Variants in CDK14 observed in about 807,000 individuals in gnomAD.
The protein encoded by CDK14 is cyclin dependent kinase 14, also known as cyclin-dependent kinase 14.
A neutral mutation model predicts 60.7 loss-of-function variants in CDK14; 34 were observed. The ratio of observed to expected loss-of-function variants is 0.56; its 90% CI spans 0.43 to 0.75. The LOEUF (loss-of-function observed/expected upper bound fraction) is 0.75. Among genes scored for constraint, CDK14 ranks in the 30% least tolerant of loss-of-function variants. CDK14 has a pLI of 0.00. For synonymous variants in CDK14, 197 were observed against 203.7 expected (o/e 0.97, Z 0.28); for missense variants, 482 against 564.1 (o/e 0.85, Z 1.47).
intron 2 of CDK14, among the ~76,000 whole-genome samples, chr7:90,605,417 C>T (rs181301641): frequency 4.3e-4 from 65 of 152,330 alleles, no homozygotes; most frequent in Middle Eastern, 3.4e-3. Context: ...AAACTTAATT[C>T]TTCTAGGCTT....
intron 5 of CDK14, among the ~76,000 whole-genome samples, chr7:90,841,203 C>G (rs1050384146): frequency 6.6e-6 from 1 of 152,070 alleles, no homozygotes; most frequent in Admixed American, 6.6e-5. Context: ...TAGAACATTG[C>G]AACTATTCTA....
chr7:91,097,004 A>G (rs183175463), intron 12 of CDK14, among the ~76,000 whole-genome samples: 206 of 152,342 alleles, frequency 1.4e-3, no homozygotes, highest in Non-Finnish European at 2.6e-3. Flanking sequence ...TTTTCTTTTC[A>G]CAAAAGGGAA....
At chr7:91,010,301 A>G (rs1346277040) in intron 10 of CDK14, among the ~76,000 whole-genome samples, 1 of 152,120 alleles carries the variant, frequency 6.6e-6, no homozygotes, top group South Asian at 2.1e-4. Flanking sequence ...ACAAAAAAAA[A>G]GCCTGCTTGG....
At chr7:91,078,015 T>A (rs1798374110) in intron 11 of CDK14, among the ~76,000 whole-genome samples, 1 of 152,200 alleles carries the variant, frequency 6.6e-6, no homozygotes, top group Non-Finnish European at 1.5e-5. Flanking sequence ...CAACCAATGC[T>A]AGAAGACGTA....
At position 90,790,591 on chromosome 7, in the gene CDK14, A is replaced by G. The variant is rs369431402; in HGVS notation, c.483A>G (p.Val161=). ...CTCACAGGGTAAATGGGAAGTTGGT[A>G]GCTCTGAAGGTGATCAGGCTGCAGG... ...KGKSKVNGKL[V]ALKVIRLQEE... Residue 161 remains valine, a synonymous_variant, in exon 5 of 15, where the codon GTA becomes GTG. Coordinates refer to ENST00000380050, the MANE Select transcript of CDK14 (RefSeq NM_001287135.2). 160 of 1,612,200 alleles carry G rather than the reference A, an allele frequency of 9.9e-5. No individual in the cohort carries two copies. Among genetic ancestry groups the G allele is most frequent in the Non-Finnish European group, 1.3e-4 (156 of 1,178,750 alleles).
intron 5 of CDK14, among the ~76,000 whole-genome samples, chr7:90,837,457 AAAT>A (rs1790145678): frequency 6.6e-6 from 1 of 151,850 alleles, no homozygotes; most frequent in African/African-American, 2.4e-5. Flanking sequence ...CCGGCTAATT[AAAT>A]AATATTTCTA....
chr7:90,692,257 A>G (rs895554822), intron 2 of CDK14, among the ~76,000 whole-genome samples: 1 of 152,036 alleles, frequency 6.6e-6, no homozygotes, highest in African/African-American at 2.4e-5. Flanking sequence ...TGTGTGTTAT[A>G]TTGGTTTGGT....
chr7:90,668,965 T>G (rs1002082743), intron 2 of CDK14, among the ~76,000 whole-genome samples: 7 of 152,066 alleles, frequency 4.6e-5, no homozygotes, highest in African/African-American at 1.4e-4. Context: ...TGATCCCTGC[T>G]GCTTGGCCTC....
At chr7:91,000,839 A>G (rs1795816109) in intron 10 of CDK14, among the ~76,000 whole-genome samples, 1 of 152,242 alleles carries the variant, frequency 6.6e-6, no homozygotes, top group East Asian at 1.9e-4. Flanking sequence ...CAGGAGGTCA[A>G]CAGAGTAACT....
chr7:90,662,894 C>G (rs1024086875), intron 2 of CDK14, among the ~76,000 whole-genome samples: 1 of 152,186 alleles, frequency 6.6e-6, no homozygotes, highest in African/African-American at 2.4e-5. Flanking sequence ...CACTTTCTAG[C>G]TATGCAACCT....
intron 2 of CDK14, among the ~76,000 whole-genome samples, chr7:90,654,316 A>G (rs1357576926): frequency 1.3e-5 from 2 of 152,224 alleles, no homozygotes; most frequent in Non-Finnish European, 2.9e-5. Context: ...AGAGTGACAG[A>G]GAGAGAATCT....
At chr7:90,795,090 C>G (rs10237334) in intron 5 of CDK14, among the ~76,000 whole-genome samples, 66,168 of 151,956 alleles carry the variant, frequency 0.44, 15,199 homozygotes, top group East Asian at 0.82. Flanking sequence ...TATTTATGAG[C>G]CCAAACCCAA....
chr7:90,740,544 G>C (rs1803304819), intron 3 of CDK14, among the ~76,000 whole-genome samples: 1 of 152,122 alleles, frequency 6.6e-6, no homozygotes, highest in Non-Finnish European at 1.5e-5. Context: ...GAGGACACAA[G>C]AGAAGGTGGC....
intron 4 of CDK14, among the ~76,000 whole-genome samples, chr7:90,770,353 T>C (rs1804736588): frequency 6.6e-6 from 1 of 152,244 alleles, no homozygotes; most frequent in African/African-American, 2.4e-5. Flanking sequence ...CTTTTAAGTA[T>C]ATTAACGTTA....
intron 10 of CDK14, among the ~76,000 whole-genome samples, chr7:91,009,387 G>A (rs771321866): frequency 6.6e-6 from 1 of 152,226 alleles, no homozygotes; most frequent in African/African-American, 2.4e-5. Flanking sequence ...TTGGATTCCC[G>A]TAAGAGTGGA....
chr7:90,633,049 C>G (rs1389736493), intron 2 of CDK14, among the ~76,000 whole-genome samples: 1 of 149,666 alleles, frequency 6.7e-6, no homozygotes, highest in Non-Finnish European at 1.5e-5. Flanking sequence ...TAAGCCGAGA[C>G]TGTGCTACTA....
chr7:90,921,392 T>C (rs1468814321), intron 8 of CDK14, among the ~76,000 whole-genome samples: 1 of 152,186 alleles, frequency 6.6e-6, no homozygotes, highest in Non-Finnish European at 1.5e-5. Flanking sequence ...TCTTTCCCAT[T>C]ATTATCTTCT....
chr7:90,804,155 G>A (rs572871014), intron 5 of CDK14, among the ~76,000 whole-genome samples: 9 of 152,332 alleles, frequency 5.9e-5, no homozygotes, highest in East Asian at 5.8e-4. Flanking sequence ...CTCCATAAGC[G>A]AGGAGCTGGA....
intron 14 of CDK14, among the ~76,000 whole-genome samples, chr7:91,136,368 T>C (rs748630243): frequency 3.9e-5 from 6 of 152,224 alleles, no homozygotes; most frequent in Non-Finnish European, 8.8e-5. Flanking sequence ...AGGGCTTGTT[T>C]CAACTTCACT....
Sources: gnomAD v4.1 joint callset for allele counts (sites outside exome capture counted in the v4.1 genomes callset) on GRCh38, gnomAD v4.1.1 for gene constraint, MANE v1.5 for transcripts, NCBI Gene and HGNC (gene_info 2026-07-23, HGNC 2026-07-21) for gene names.